The following GALNT13 variants were observed in gnomAD, a reference collection of about 807,000 sequenced individuals.
GALNT13 encodes polypeptide N-acetylgalactosaminyltransferase 13, also known as UDP-GalNAc:polypeptide N-acetylgalactosaminyltransferase 13.
Under a neutral mutation model 64.2 loss-of-function variants are expected in GALNT13, and 28 were observed. The observed-to-expected ratio is 0.44, with a 90% CI of 0.32 to 0.60. GALNT13 has a LOEUF of 0.60. Ranked by LOEUF, GALNT13 falls within the 20% of genes least tolerant of loss-of-function variation. The pLI, the probability that GALNT13 is intolerant of heterozygous loss-of-function variation, is 0.05. For synonymous variants in GALNT13, 214 were observed against 224.6 expected (o/e 0.95, Z 0.42); for missense variants, 577 against 669.8 (o/e 0.86, Z 1.53).
chr2:153,732,821 G>A, the GALNT13 span, among the ~76,000 whole-genome samples: 161 of 152,106 alleles, frequency 1.1e-3, no homozygotes, highest in African/African-American at 3.3e-3. Context: ...TGCCTCTACC[G>A]TAGAGATAGG....
the GALNT13 span, among the ~76,000 whole-genome samples, chr2:153,232,355 A>G: frequency 1.3e-5 from 2 of 152,218 alleles, no homozygotes; most frequent in Non-Finnish European, 2.9e-5. Context: ...AGAGAGGTTA[A>G]TTGTCATTGT....
the GALNT13 span, among the ~76,000 whole-genome samples, chr2:153,749,426 G>A: frequency 0.018 from 2,662 of 152,042 alleles, 80 homozygotes; most frequent in East Asian, 0.13. Context: ...ATTGCTTTGC[G>A]TAGTATGGAC....
the GALNT13 span, among the ~76,000 whole-genome samples, chr2:153,808,052 A>G: frequency 1.3e-5 from 2 of 152,182 alleles, no homozygotes; most frequent in Non-Finnish European, 2.9e-5. Context: ...TTAGGAGCAC[A>G]TGGAACAAAG....
the GALNT13 span, among the ~76,000 whole-genome samples, chr2:153,435,446 T>C: frequency 2.0e-5 from 3 of 152,132 alleles, no homozygotes; most frequent in African/African-American, 7.2e-5. Context: ...CAATATTGAT[T>C]CTTCCTACCC....
At chr2:154,003,885 AAGTTTCCTG>A (rs1696076630) in intron 3 of GALNT13, among the ~76,000 whole-genome samples, 1 of 152,004 alleles carries the variant, frequency 6.6e-6, no homozygotes, top group African/African-American at 2.4e-5. Context: ...CCATTATTGT[AAGTTTCCTG>A]AGGCCTCCCC....
At chr2:153,414,784 A>G in the GALNT13 span, among the ~76,000 whole-genome samples, 1 of 152,150 alleles carries the variant, frequency 6.6e-6, no homozygotes, top group South Asian at 2.1e-4. Flanking sequence ...CTCTGAAAAT[A>G]TACTCCTATT....
the GALNT13 span, among the ~76,000 whole-genome samples, chr2:153,626,614 C>G: frequency 1.3e-5 from 2 of 152,026 alleles, no homozygotes; most frequent in Non-Finnish European, 2.9e-5. Flanking sequence ...ACTGGACTTA[C>G]AATAAAAAAC....
At position 154,033,171 on chromosome 2, in the gene GALNT13, T is replaced by C. The variant is rs151228209; in HGVS notation, c.142+88532T>C. 6.5e-3 allele frequency among the ~76,000 whole-genome samples: 985 copies of C among 152,124 alleles called. 9 individuals are homozygous for C. Among genetic ancestry groups the C allele is most frequent in the African/African-American group, 0.022 (913 of 41,544 alleles). Reference sequence around the variant, plus strand: ...ATAGACCCATGATTCACACCTTATATAAAGGTTAAATCAAAATGTATTATA... The same window carrying C: ...ATAGACCCATGATTCACACCTTATACAAAGGTTAAATCAAAATGTATTATA... On this transcript the variant is annotated intron_variant, in intron 3 of 12. Coordinates refer to ENST00000392825, the MANE Select transcript of GALNT13 (RefSeq NM_052917.4).
chr2:154,105,069 C>T (rs1702542434), intron 3 of GALNT13, among the ~76,000 whole-genome samples: 1 of 152,226 alleles, frequency 6.6e-6, no homozygotes, highest in African/African-American at 2.4e-5. Context: ...TTCCACCTAC[C>T]CTTTTTGAGG....
intron 9 of GALNT13, among the ~76,000 whole-genome samples, chr2:154,393,713 C>T (rs572232981): frequency 6.6e-6 from 1 of 152,250 alleles, no homozygotes; most frequent in Admixed American, 6.5e-5. Context: ...TCAGTAATCT[C>T]TATAATTCCC....
chr2:154,413,935 G>A (rs548692291), intron 11 of GALNT13, among the ~76,000 whole-genome samples: 70 of 151,924 alleles, frequency 4.6e-4, no homozygotes, highest in Non-Finnish European at 7.1e-4. Context: ...TCTGGCAAGC[G>A]CCAATATTTA....
the GALNT13 span, among the ~76,000 whole-genome samples, chr2:153,135,318 G>A: frequency 2.0e-5 from 3 of 152,242 alleles, no homozygotes; most frequent in South Asian, 6.2e-4. Context: ...ATGAATCTGG[G>A]TGTCGGGGTG....
rs113214497 is a variant in GALNT13, at chr2:154,265,513, A to C, written c.975+6375A>C. 7.4e-4 allele frequency among the ~76,000 whole-genome samples: 113 copies of C among 152,212 alleles called. 1 individual carries two copies. Among genetic ancestry groups the C allele is most frequent in the African/African-American group, 2.2e-3 (91 of 41,538 alleles). On this transcript the variant is annotated intron_variant, in intron 8 of 12. Coordinates refer to ENST00000392825, the MANE Select transcript of GALNT13 (RefSeq NM_052917.4). ...CAGGAGTTGGAGAACAGCCTAGCCAACATGATGAAACCCTGTCTCTACTAA... is the reference window on the plus strand; with the variant it reads ...CAGGAGTTGGAGAACAGCCTAGCCACCATGATGAAACCCTGTCTCTACTAA...
At chr2:153,289,334 A>G in the GALNT13 span, among the ~76,000 whole-genome samples, 1 of 152,192 alleles carries the variant, frequency 6.6e-6, no homozygotes, top group Non-Finnish European at 1.5e-5. Context: ...ATTATTTTTT[A>G]TTGAGAACCT....
chr2:153,646,995 G>A, the GALNT13 span, among the ~76,000 whole-genome samples: 1 of 152,050 alleles, frequency 6.6e-6, no homozygotes, highest in African/African-American at 2.4e-5. Flanking sequence ...GGGATGGCTG[G>A]GTCAAATGGT....
At chr2:154,026,010 G>A (rs1574362895) in intron 3 of GALNT13, among the ~76,000 whole-genome samples, 1 of 152,120 alleles carries the variant, frequency 6.6e-6, no homozygotes, top group African/African-American at 2.4e-5. Context: ...TAAGGAATGG[G>A]TATCACTGAA....
the GALNT13 span, among the ~76,000 whole-genome samples, chr2:153,295,946 T>C: frequency 6.6e-6 from 1 of 152,182 alleles, no homozygotes; most frequent in Admixed American, 6.5e-5. Flanking sequence ...GAATCAAGTC[T>C]GCTGAATTCT....
the GALNT13 span, chr2:153,478,286 C>T: frequency 2.5e-6 from 4 of 1,614,070 alleles, no homozygotes; most frequent in Non-Finnish European, 3.4e-6. Context: ...GGCCTCCGGT[C>T]CTTCACGAGG....
chr2:153,688,329 A>G, the GALNT13 span, among the ~76,000 whole-genome samples: 2 of 151,976 alleles, frequency 1.3e-5, no homozygotes, highest in African/African-American at 4.8e-5. Context: ...GAAAACTTTC[A>G]TAGAACATGA....
Sources: allele counts gnomAD v4.1 joint callset (sites outside exome capture counted in the v4.1 genomes callset), GRCh38; gene constraint gnomAD v4.1.1; transcripts MANE v1.5; gene names NCBI Gene and HGNC (gene_info 2026-07-23, HGNC 2026-07-21).